Variants in CNTNAP2 observed in about 807,000 individuals in gnomAD.
CNTNAP2 encodes the protein contactin associated protein 2.
Under a neutral mutation model 155.2 loss-of-function variants are expected in CNTNAP2, and 98 were observed. That is an observed-to-expected ratio of 0.63 (90% CI 0.54 to 0.75). The LOEUF is 0.75. CNTNAP2 is among the 30% of genes least tolerant of loss of function. The pLI, the probability that CNTNAP2 is intolerant of heterozygous loss-of-function variation, is 0.00. For missense variants in CNTNAP2, 1,727 were observed against 1,688.1 expected, an observed-to-expected ratio of 1.02 and a Z score of -0.40; for synonymous variants, 651 against 631.2, an observed-to-expected ratio of 1.03 and a Z score of -0.47.
At chr7:148,137,683 A>AGGAAGGAAGGAT (rs1804985220) in intron 16 of CNTNAP2, among the ~76,000 whole-genome samples, 2 of 104,808 alleles carry the variant, frequency 1.9e-5, no homozygotes, top group African/African-American at 7.6e-5. Context: ...GAAGGAAGGA[A>AGGAAGGAAGGAT]GGAAGGAAGG....
intron 12 of CNTNAP2, among the ~76,000 whole-genome samples, chr7:147,603,474 G>C (rs937029956): frequency 6.6e-6 from 1 of 152,082 alleles, no homozygotes; most frequent in Non-Finnish European, 1.5e-5. Flanking sequence ...ATTCACAATT[G>C]CTTCAAAGAG....
chr7:146,255,287 A>G (rs931112800), intron 1 of CNTNAP2, among the ~76,000 whole-genome samples: 20 of 152,218 alleles, frequency 1.3e-4, no homozygotes, highest in African/African-American at 4.8e-4. Flanking sequence ...ATGCAACAAT[A>G]AACAGCCCTC....
At chr7:146,988,395 C>T (rs1027490506) in intron 3 of CNTNAP2, among the ~76,000 whole-genome samples, 1 of 151,846 alleles carries the variant, frequency 6.6e-6, no homozygotes, top group Admixed American at 6.6e-5. Flanking sequence ...CGTAATTAGC[C>T]ACTATATAGG....
chr7:146,439,317 T>C (rs955989840), intron 1 of CNTNAP2, among the ~76,000 whole-genome samples: 10 of 145,998 alleles, frequency 6.8e-5, no homozygotes, highest in Non-Finnish European at 1.2e-4. Context: ...TCTATTGATG[T>C]AGATGCCACT....
In CNTNAP2 at chr7:147,346,148, ATTTTAT is replaced by A. The variant is rs1563168748; in HGVS notation, c.1498+45863_1498+45868del. Among the ~76,000 whole-genome samples the A allele has an allele frequency of 1.8e-4, 4 of 21,882 alleles. 1 individual carries two copies. Among genetic ancestry groups the A allele is most frequent in the Non-Finnish European group, 1.5e-4 (2 of 13,064 alleles). The allele number at this position is 21,882 out of a possible 152,430, so 14.4% of individuals were successfully genotyped here. A position where few individuals can be genotyped will look rare whatever the true frequency, so the allele number is the denominator to read the frequency against. Reference sequence around the variant, plus strand: ...CGAAGATTTTATTTTATTTTATTTTATTTTATTTTTTTTTTTTGAGACAGAGTCTCG... The same window carrying A: ...CGAAGATTTTATTTTATTTTATTTTATTTTTTTTTTTGAGACAGAGTCTCG... On this transcript the variant is annotated intron_variant, in intron 9 of 23. Transcript: ENST00000361727.
At chr7:147,108,415 T>A in intron 5 of CNTNAP2, 65 bp downstream of exon 5, 2 of 1,353,968 alleles carry the variant, frequency 1.5e-6, no homozygotes, top group South Asian at 2.7e-5. Flanking sequence ...TATGTTCATG[T>A]TGCTCAATTC....
intron 12 of CNTNAP2, among the ~76,000 whole-genome samples, chr7:147,577,687 A>G (rs1157301): frequency 0.69 from 104,575 of 151,568 alleles, 36,633 homozygotes; most frequent in African/African-American, 0.81. Flanking sequence ...TTTTTTCTCA[A>G]TAGCTACCCC....
chr7:147,670,732 C>G (rs1318227664), intron 13 of CNTNAP2, among the ~76,000 whole-genome samples: 1 of 152,154 alleles, frequency 6.6e-6, no homozygotes, highest in African/African-American at 2.4e-5. Context: ...CGGTAAAATC[C>G]CCGACAGTTG....
At chr7:148,110,325 G>A (rs147789570) in intron 15 of CNTNAP2, among the ~76,000 whole-genome samples, 112 of 152,154 alleles carry the variant, frequency 7.4e-4, no homozygotes, top group African/African-American at 2.4e-3. Context: ...GAGCCAGAAT[G>A]GGAACCTGGA....
intron 1 of CNTNAP2, among the ~76,000 whole-genome samples, chr7:146,706,542 G>A (rs6953104): frequency 0.062 from 9,378 of 152,040 alleles, 927 homozygotes; most frequent in African/African-American, 0.21. Context: ...GTGAACAGGC[G>A]GCCGCTGAAT....
At chr7:146,395,905 G>A (rs1030068522) in intron 1 of CNTNAP2, among the ~76,000 whole-genome samples, 2 of 151,882 alleles carry the variant, frequency 1.3e-5, no homozygotes, top group Non-Finnish European at 2.9e-5. Flanking sequence ...GCAAAAATGA[G>A]TATCTCAGAA....
chr7:147,975,072 A>ACGTATAATACAATTTTT (rs71183040), intron 14 of CNTNAP2, among the ~76,000 whole-genome samples: 5 of 151,408 alleles, frequency 3.3e-5, no homozygotes, highest in South Asian at 4.2e-4. Flanking sequence ...TTTTTGTATT[A>ACGTATAATACAATTTTT]TGTATAATAC....
intron 1 of CNTNAP2, among the ~76,000 whole-genome samples, chr7:146,473,020 A>C (rs1438420424): frequency 6.6e-6 from 1 of 151,468 alleles, no homozygotes; most frequent in Non-Finnish European, 1.5e-5. Flanking sequence ...GGGAAGAATT[A>C]TATTTATATT....
chr7:146,216,895 A>G (rs909368931), intron 1 of CNTNAP2, among the ~76,000 whole-genome samples: 2 of 152,244 alleles, frequency 1.3e-5, no homozygotes, highest in African/African-American at 4.8e-5. Flanking sequence ...TGAGTCATCC[A>G]TAAAACTGGC....
intron 1 of CNTNAP2, among the ~76,000 whole-genome samples, chr7:146,425,664 A>C (rs1337899355): frequency 6.6e-6 from 1 of 152,170 alleles, no homozygotes; most frequent in East Asian, 1.9e-4. Flanking sequence ...TTGAAATGCC[A>C]CAGTAACAAA....
intron 15 of CNTNAP2, among the ~76,000 whole-genome samples, chr7:148,104,531 G>A: frequency 6.6e-6 from 1 of 152,182 alleles, no homozygotes; most frequent in Non-Finnish European, 1.5e-5. Flanking sequence ...GCTAAATGCA[G>A]CTCAGTCTTT....
At position 146,566,126 on chromosome 7, in the gene CNTNAP2, G is replaced by GAT. The variant is rs1798353684; in HGVS notation, c.98-208145_98-208144insAT. 2.0e-5 allele frequency among the ~76,000 whole-genome samples: 3 copies of GAT among 152,190 alleles called. No individual in the cohort carries two copies. In the East Asian group the frequency reaches 5.8e-4, roughly 30 times the overall value. On this transcript the variant is annotated intron_variant, in intron 1 of 23. Transcript: ENST00000361727. ...TGTAGGCTCTGGGAGGTGAACATCA[G>GAT]CTTTGTTATTCCAGCTGGGTGCTGC...
intron 5 of CNTNAP2, among the ~76,000 whole-genome samples, chr7:147,119,050 G>A (rs1282597547): frequency 1.3e-5 from 2 of 152,158 alleles, no homozygotes; most frequent in Non-Finnish European, 2.9e-5. Context: ...AGAGCAGGGG[G>A]AGAGTAACCA....
chr7:146,394,770 G>T (rs1639478), intron 1 of CNTNAP2, among the ~76,000 whole-genome samples: 1 of 151,802 alleles, frequency 6.6e-6, no homozygotes, highest in Admixed American at 6.6e-5. Context: ...TTATAGATTT[G>T]GAGGTACAAG....
Sources: gnomAD v4.1 joint callset for allele counts (sites outside exome capture counted in the v4.1 genomes callset) on GRCh38, gnomAD v4.1.1 for gene constraint, MANE v1.5 for transcripts, NCBI Gene and HGNC (gene_info 2026-07-23, HGNC 2026-07-21) for gene names.